The following NEURL1B variants were observed in gnomAD, a reference collection of about 807,000 sequenced individuals.
NEURL1B encodes the protein neuralized E3 ubiquitin protein ligase 1B.
In NEURL1B, 13 loss-of-function variants were observed where a neutral mutation model predicts 37.4. The ratio of observed to expected loss-of-function variants is 0.35; its 90% confidence interval spans 0.23 to 0.55. NEURL1B has a LOEUF of 0.55. Ranked by LOEUF, NEURL1B falls within the 20% of genes least tolerant of loss-of-function variation. The pLI, the probability that NEURL1B is intolerant of heterozygous loss-of-function variation, is 0.89. For missense variants in NEURL1B, 790 were observed against 879.2 expected, an observed-to-expected ratio of 0.90 and a Z score of 1.28; for synonymous variants, 432 against 426.6, an observed-to-expected ratio of 1.01 and a Z score of -0.16.
Position 172,641,475 on chromosome 5 carries a change from G to T in NEURL1B, c.31+38G>T. The T allele has an allele frequency of 7.9e-7, 1 of 1,266,932 alleles. No individual in the cohort carries two copies. The highest frequency in any genetic ancestry group is 9.9e-7 in the Non-Finnish European group (1 of 1,007,656). 78.5% of individuals were successfully genotyped at this position (1,266,932 alleles called of 1,614,324 possible). A position where few individuals can be genotyped will look rare whatever the true frequency, so the allele number is the denominator to read the frequency against. ...GCCCTGCCCGGGAGGCGGGCGCCGG[G>T]CTTCTCTCCTCCGGGGGACCCGCTG... On this transcript the variant is annotated intron_variant, in intron 1 of 4. Transcript: ENST00000369800. This position sits in a 1 kb window ranked among gnomAD's most constrained non-coding sequence, Gnocchi z 6.4.
intron 1 of NEURL1B, among the ~76,000 whole-genome samples, chr5:172,658,078 C>T (rs1168319571): frequency 6.6e-6 from 1 of 152,186 alleles, no homozygotes; most frequent in Non-Finnish European, 1.5e-5. Flanking sequence ...GATTCACCCT[C>T]CTTACCCTGC....
chr5:172,656,069 C>T (rs1757771047), intron 1 of NEURL1B, among the ~76,000 whole-genome samples: 1 of 152,124 alleles, frequency 6.6e-6, no homozygotes, highest in Admixed American at 6.5e-5. Flanking sequence ...CGCATGTGGC[C>T]CCTGCTGCTG....
In NEURL1B at chr5:172,683,116, G is replaced by A. The variant is rs1758393519; in HGVS notation, c.578-303G>A. 6.6e-6 allele frequency among the ~76,000 whole-genome samples: 1 copy of A among 152,166 alleles called. No individual in the cohort carries two copies. Among genetic ancestry groups the A allele is most frequent in the Non-Finnish European group, 1.5e-5 (1 of 68,028 alleles). ...GAGGGAGAGAAGGGGAAAGGGTGGA[G>A]AGAAAAGGAGGGATGGAAGAAGAGA... On this transcript the variant is annotated intron_variant, in intron 2 of 4. Coordinates refer to ENST00000369800, the MANE Select transcript of NEURL1B (RefSeq NM_001142651.3). This position sits in a 1 kb window ranked among gnomAD's most constrained non-coding sequence, Gnocchi z 5.6.
intron 1 of NEURL1B, among the ~76,000 whole-genome samples, chr5:172,660,996 G>T (rs1245551785): frequency 6.6e-6 from 1 of 152,156 alleles, no homozygotes; most frequent in African/African-American, 2.4e-5. Flanking sequence ...GTTGGCAAAG[G>T]TGACTGATAT....
At position 172,669,812 on chromosome 5, in the gene NEURL1B, C is replaced by T; in HGVS notation, c.59C>T (p.Ala20Val). 3 of 1,292,948 alleles carry T rather than the reference C, an allele frequency of 2.3e-6. No individual in the cohort carries two copies. The highest frequency in any genetic ancestry group is 2.0e-6 in the Non-Finnish European group (2 of 1,013,644). The allele number at this position is 1,292,948 out of a possible 1,614,324, so 80.1% of individuals were successfully genotyped here. ...PDPSPPARLL[A>V]TRPCCGPGPE... The stretch of plus-strand genomic sequence containing the variant: ...CCGAGCCCACCGGCGCGCCTCCTGG[C>T]CACCCGGCCGTGCTGCGGCCCCGGC... The change falls in exon 2 of 5, where the codon GCC (alanine) becomes GTC (valine). Residue 20 changes from alanine to valine, a missense_variant. Physicochemically the swap from Ala to Val is moderately conservative, Grantham distance 64. Around this residue, in one of 3 missense-constraint regions of NEURL1B, gnomAD observed 215 missense variants for 309.2 expected, o/e 0.70. Coordinates refer to ENST00000369800, the MANE Select transcript of NEURL1B (RefSeq NM_001142651.3).
intron 1 of NEURL1B, among the ~76,000 whole-genome samples, chr5:172,652,352 T>C (rs911150481): frequency 6.6e-6 from 1 of 152,274 alleles, no homozygotes; most frequent in East Asian, 1.9e-4. Context: ...TGGCCTGCCA[T>C]GTACACAAGC....
At chr5:172,677,877 C>G (rs547421910) in intron 2 of NEURL1B, among the ~76,000 whole-genome samples, 1 of 152,330 alleles carries the variant, frequency 6.6e-6, no homozygotes, top group Non-Finnish European at 1.5e-5. Context: ...TGCCCTCCCT[C>G]CCTCAGGGCA....
intron 1 of NEURL1B, among the ~76,000 whole-genome samples, chr5:172,645,540 C>CTTGTCCTTGTCCATGACAGGA (rs1757543807): frequency 2.0e-5 from 3 of 152,168 alleles, no homozygotes; most frequent in Non-Finnish European, 4.4e-5. Context: ...CCCTTGTCAC[C>CTTGTCCTTGTCCATGACAGGA]CTCCTTCCAG....
Position 172,683,308 on chromosome 5 carries a change from G to C in NEURL1B, c.578-111G>C. 1 of 1,209,398 alleles carries C rather than the reference G, an allele frequency of 8.3e-7. No individual in the cohort carries two copies. The highest frequency in any genetic ancestry group is 1.0e-6 in the Non-Finnish European group (1 of 963,466). The allele number at this position is 1,209,398 out of a possible 1,614,324, so 74.9% of individuals were successfully genotyped here. A position where few individuals can be genotyped will look rare whatever the true frequency, so the allele number is the denominator to read the frequency against. Reference sequence around the variant, plus strand: ...AGCCGGGGTGGGGTGGGGGCTGCTCGAGGCCCGGGTCGGTCGTGGAGGCCT... The same window carrying C: ...AGCCGGGGTGGGGTGGGGGCTGCTCCAGGCCCGGGTCGGTCGTGGAGGCCT... On this transcript the variant is annotated intron_variant, in intron 2 of 4. Transcript: ENST00000369800. This position sits in a 1 kb window ranked among gnomAD's most constrained non-coding sequence, Gnocchi z 5.6.
chr5:172,677,456 C>G (rs372069319), intron 2 of NEURL1B, among the ~76,000 whole-genome samples: 23 of 152,288 alleles, frequency 1.5e-4, no homozygotes, highest in African/African-American at 5.5e-4. Context: ...CCCCACTTTG[C>G]AAGTGGGGAA....
rs1758536630 is a variant in NEURL1B at position 172,687,548 on chromosome 5, G to T, written c.*623G>T. The T allele has an allele frequency of 6.6e-6, 1 of 152,654 alleles. No homozygotes were observed. The highest frequency in any genetic ancestry group is 2.4e-5 in the African/African-American group (1 of 41,422). The allele number at this position is 152,654 out of a possible 1,614,324, so 9.5% of individuals were successfully genotyped here. A position where few individuals can be genotyped will look rare whatever the true frequency, so the allele number is the denominator to read the frequency against. The stretch of plus-strand genomic sequence containing the variant: ...CTCATTGTTTACAGCTCCAAAGCAT[G>T]AACTCCTTGAGGGGAAGGTGGGTGA... On this transcript the variant is annotated 3_prime_UTR_variant, in exon 5 of 5. Transcript: ENST00000369800.
rs140977303 is a variant in NEURL1B at position 172,680,463 on chromosome 5, C to T, written c.578-2956C>T. Among the ~76,000 whole-genome samples the T allele has an allele frequency of 2.0e-3, 298 of 152,230 alleles. 2 individuals are homozygous for T. Among genetic ancestry groups the T allele is most frequent in the African/African-American group, 6.6e-3 (276 of 41,520 alleles). On this transcript the variant is annotated intron_variant, in intron 2 of 4. Transcript: ENST00000369800. ...CAAGTAAGGCCAGCGCCTTTAGGGGCGGGCGACTGTGAGTGGGGCAGGGAG... is the reference window on the plus strand; with the variant it reads ...CAAGTAAGGCCAGCGCCTTTAGGGGTGGGCGACTGTGAGTGGGGCAGGGAG...
chr5:172,686,669 C>T lies in NEURL1B; in HGVS notation c.1424-12C>T, dbSNP rs572433425. The T allele has an allele frequency of 6.5e-7, 1 of 1,547,738 alleles. No homozygotes were observed. The highest frequency in any genetic ancestry group is 2.0e-5 in the Admixed American group (1 of 50,950). On this transcript the variant is annotated splice_polypyrimidine_tract_variant and intron_variant, in intron 4 of 4. Coordinates refer to ENST00000369800, the MANE Select transcript of NEURL1B (RefSeq NM_001142651.3). The surrounding 1 kb of genome is among the most constrained non-coding windows in gnomAD (Gnocchi z 7.9). The stretch of plus-strand genomic sequence containing the variant: ...ACATTGTTAACATATGTCCTCTTCT[C>T]CCTTTCGGCAGTGACGGCCCCCAGC...
chr5:172,687,071 C>T lies in NEURL1B; in HGVS notation c.*146C>T. ...AGGTGTGACAGTCGTGGAGCGAGGC[C>T]CACAGGGCCTCAGCCCAGGCAGGGG... On this transcript the variant is annotated 3_prime_UTR_variant, in exon 5 of 5. Coordinates refer to ENST00000369800, the MANE Select transcript of NEURL1B (RefSeq NM_001142651.3). 1.0e-6 allele frequency: 1 copy of T among 978,764 alleles called. No homozygotes were observed. Among genetic ancestry groups the T allele is most frequent in the South Asian group, 1.8e-5 (1 of 56,912 alleles). 60.6% of individuals were successfully genotyped at this position (978,764 alleles called of 1,614,324 possible).
intron 1 of NEURL1B, among the ~76,000 whole-genome samples, chr5:172,654,267 T>A (rs1433852193): frequency 6.6e-6 from 1 of 152,228 alleles, no homozygotes. Flanking sequence ...CTTGGCTGAG[T>A]GGAAACAGCT....
chr5:172,645,693 G>C (rs972405582), intron 1 of NEURL1B, among the ~76,000 whole-genome samples: 1 of 152,126 alleles, frequency 6.6e-6, no homozygotes, highest in Non-Finnish European at 1.5e-5. Flanking sequence ...CTTCCACCAG[G>C]TCATTAAGAA....
In NEURL1B at chr5:172,681,746, C is replaced by T. The variant is rs1044898971; in HGVS notation, c.578-1673C>T. On this transcript the variant is annotated intron_variant, in intron 2 of 4. Transcript: ENST00000369800. ...ACCCACCGGGGCCTGGGGCATAATTCGAAAAAGCATGTGCATTCTTATGAT... is the reference window on the plus strand; with the variant it reads ...ACCCACCGGGGCCTGGGGCATAATTTGAAAAAGCATGTGCATTCTTATGAT... Among the ~76,000 whole-genome samples the T allele has an allele frequency of 2.6e-5, 4 of 151,994 alleles. No individual in the cohort carries two copies. In the East Asian group the frequency reaches 5.8e-4, roughly 22 times the overall value.
Position 172,670,261 on chromosome 5 carries a change from G to A in NEURL1B, c.508G>A (p.Val170Met). ...CGAGCCGGTGCTCTTCCACTGCGGC[G>A]TGGCCGTGGGCGGCCCGCTCTGGGC... ...DGEPVLFHCG[V>M]AVGGPLWALI... Residue 170 changes from valine (V) to methionine (M), a missense_variant, in exon 2 of 5, where the codon GTG becomes ATG. Coordinates refer to ENST00000369800, the MANE Select transcript of NEURL1B (RefSeq NM_001142651.3). 1 of 1,391,176 alleles carries A rather than the reference G, an allele frequency of 7.2e-7. No homozygotes were observed. Among genetic ancestry groups the A allele is most frequent in the Non-Finnish European group, 9.3e-7 (1 of 1,077,056 alleles). 86.2% of individuals were successfully genotyped at this position (1,391,176 alleles called of 1,614,324 possible). A position where few individuals can be genotyped will look rare whatever the true frequency, so the allele number is the denominator to read the frequency against.
chr5:172,678,954 C>T (rs2113322726), intron 2 of NEURL1B, among the ~76,000 whole-genome samples: 1 of 152,212 alleles, frequency 6.6e-6, no homozygotes, highest in East Asian at 1.9e-4. Context: ...AGAGCTAGGC[C>T]CTGGAAGTGG....
Sources: gnomAD v4.1 joint callset for allele counts (sites outside exome capture counted in the v4.1 genomes callset) on GRCh38, gnomAD v4.1.1 for gene constraint, gnomAD v4.1.1 regional missense constraint, Gnocchi (gnomAD v3.1) non-coding constraint, MANE v1.5 for transcripts, NCBI Gene and HGNC (gene_info 2026-07-23, HGNC 2026-07-21) for gene names.